L3HYPDH: variants seen among roughly 807,000 people sequenced by gnomAD.
L3HYPDH encodes the protein trans-L-3-hydroxyproline dehydratase.
A neutral mutation model predicts 26.5 loss-of-function variants in L3HYPDH; 32 were observed. That is an observed-to-expected ratio of 1.21 (90% CI 0.91 to 1.62). The LOEUF (loss-of-function observed/expected upper bound fraction) is 1.62, where lower values mean the gene tolerates loss of function less well. Among genes scored for constraint, L3HYPDH ranks in the 40% most tolerant of loss-of-function variants. The pLI, the probability that L3HYPDH is intolerant of heterozygous loss-of-function variation, is 0.00. For missense variants in L3HYPDH, 554 were observed against 476.4 expected, an observed-to-expected ratio of 1.16 and a Z score of -1.52; for synonymous variants, 215 against 196.6, an observed-to-expected ratio of 1.09 and a Z score of -0.78.
chr14:59,493,658 G>C, the L3HYPDH span, among the ~76,000 whole-genome samples: 10 of 152,118 alleles, frequency 6.6e-5, no homozygotes, highest in Admixed American at 2.6e-4. Flanking sequence ...TATATTCCAT[G>C]TACAGTACAA....
chr14:59,494,122 G>T, the L3HYPDH span, among the ~76,000 whole-genome samples: 4 of 36,696 alleles, frequency 1.1e-4, no homozygotes, highest in Non-Finnish European at 1.9e-4. Flanking sequence ...GAAAATTTGG[G>T]TGTGTGTGTG....
At chr14:59,475,826 T>G (rs1358293997) in intron 4 of L3HYPDH, 43 bp downstream of exon 4, 1 of 1,574,846 alleles carries the variant, frequency 6.3e-7, no homozygotes, top group East Asian at 2.2e-5. Context: ...TCCAGTCTCA[T>G]GAGTGACACA....
At chr14:59,478,974 C>G in intron 2 of L3HYPDH, 2 of 423,770 alleles carry the variant, frequency 4.7e-6, no homozygotes, top group Non-Finnish European at 8.2e-6. Context: ...TTGTGTTGGG[C>G]CACATTCAAA....
chr14:59,498,714 T>C, the L3HYPDH span: 15 of 1,347,336 alleles, frequency 1.1e-5, no homozygotes, highest in Non-Finnish European at 1.5e-5. Flanking sequence ...AAATTCTTTA[T>C]TTTATTTTAC....
chr14:59,500,468 GA>G, the L3HYPDH span, among the ~76,000 whole-genome samples: 3 of 152,202 alleles, frequency 2.0e-5, no homozygotes, highest in African/African-American at 7.2e-5. Context: ...TGTTTTAGAG[GA>G]AAAAATTTGC....
upstream of L3HYPDH, chr14:59,487,422 GT>G (rs1474626810): frequency 1.3e-5 from 4 of 316,464 alleles, no homozygotes; most frequent in African/African-American, 6.4e-5. Flanking sequence ...TAATAACTAG[GT>G]TTTTCATTGA....
intron 4 of L3HYPDH, chr14:59,474,807 C>A (rs1337030751): frequency 6.4e-6 from 2 of 310,102 alleles, no homozygotes; most frequent in Admixed American, 5.0e-5. Context: ...AGTGAAGTAT[C>A]CAATAAATGT....
chr14:59,484,538 G>A (rs953385106), upstream of L3HYPDH: 3 of 1,560,418 alleles, frequency 1.9e-6, no homozygotes, highest in Middle Eastern at 5.0e-4. Flanking sequence ...GTTCGGTGCA[G>A]CTGCCAGATC....
At chr14:59,492,164 T>A in the L3HYPDH span, among the ~76,000 whole-genome samples, 1 of 152,042 alleles carries the variant, frequency 6.6e-6, no homozygotes, top group Non-Finnish European at 1.5e-5. Context: ...AGTCACAAGC[T>A]GTCCATAACA....
At chr14:59,495,104 G>C in the L3HYPDH span, 1 of 1,613,398 alleles carries the variant, frequency 6.2e-7, no homozygotes, top group Non-Finnish European at 8.5e-7. Flanking sequence ...GATCCAGTTG[G>C]TGTTCTTTAT....
chr14:59,500,208 T>G, the L3HYPDH span, among the ~76,000 whole-genome samples: 1 of 152,194 alleles, frequency 6.6e-6, no homozygotes, highest in Non-Finnish European at 1.5e-5. Flanking sequence ...TAAAAAGTTA[T>G]AAATGTCAAA....
At chr14:59,466,300 C>A (rs977312070) in intron 1 of L3HYPDH, among the ~76,000 whole-genome samples, 2 of 152,094 alleles carry the variant, frequency 1.3e-5, no homozygotes, top group African/African-American at 4.8e-5. Context: ...CTGGGAGATA[C>A]GGGGAAAAGA....
At chr14:59,468,721 T>C (rs1467636546), downstream of L3HYPDH, among the ~76,000 whole-genome samples, 1 of 152,202 alleles carries the variant, frequency 6.6e-6, no homozygotes, top group African/African-American at 2.4e-5. Context: ...CTTAGCACTC[T>C]AACAAACTGC....
chr14:59,470,366 G>A (rs1889280498), downstream of L3HYPDH, among the ~76,000 whole-genome samples: 1 of 152,218 alleles, frequency 6.6e-6, no homozygotes, highest in Non-Finnish European at 1.5e-5. Flanking sequence ...GCACATTGAA[G>A]TATGAAGAAC....
intron 1 of L3HYPDH, among the ~76,000 whole-genome samples, chr14:59,480,546 G>A (rs1002273624): frequency 2.0e-5 from 3 of 152,206 alleles, no homozygotes; most frequent in Non-Finnish European, 4.4e-5. Flanking sequence ...TGAACCAAAA[G>A]GACAGAGTAG....
the L3HYPDH span, chr14:59,501,069 A>T: frequency 3.2e-6 from 2 of 627,846 alleles, no homozygotes; most frequent in African/African-American, 1.9e-5. Context: ...TTAGGTTGTA[A>T]GTCTCACAGA....
chr14:59,489,334 T>G (rs568340504), upstream of L3HYPDH, among the ~76,000 whole-genome samples: 7 of 152,234 alleles, frequency 4.6e-5, no homozygotes, highest in African/African-American at 7.2e-5. Context: ...CACTCTTAAG[T>G]TCCAACTTCC....
At chr14:59,486,927 G>T, upstream of L3HYPDH, 1 of 715,296 alleles carries the variant, frequency 1.4e-6, no homozygotes, top group Non-Finnish European at 2.3e-6. Flanking sequence ...AGGACCAGGC[G>T]CAGTGGCTCA....
chr14:59,481,985 G>C lies in L3HYPDH; in HGVS notation c.508+1824C>G, dbSNP rs372876938. Among the ~76,000 whole-genome samples the C allele has an allele frequency of 1.3e-4, 20 of 152,332 alleles. 2 individuals are homozygous for C. The highest frequency in any genetic ancestry group is 8.5e-4 in the Admixed American group (13 of 15,302). On this transcript the variant is annotated intron_variant, in intron 1 of 4. Transcript: ENST00000247194. ...GGCAATAGGTTTCTCAAGAGGACCA[G>C]ATGTTTACATTTGTCAATCAGCATA...
Sources: gnomAD v4.1 joint callset for allele counts (sites outside exome capture counted in the v4.1 genomes callset) on GRCh38, gnomAD v4.1.1 for gene constraint, MANE v1.5 for transcripts, NCBI Gene and HGNC (gene_info 2026-07-23, HGNC 2026-07-21) for gene names.